STEAP1B: variants seen among roughly 807,000 people sequenced by gnomAD.
STEAP1B encodes the protein STEAP family member 1B.
In STEAP1B, 13 loss-of-function variants were observed where a neutral mutation model predicts 27.9. The ratio of observed to expected loss-of-function variants is 0.47; its 90% CI spans 0.30 to 0.74. STEAP1B has a LOEUF of 0.74. Ranked by LOEUF, STEAP1B falls within the 30% of genes least tolerant of loss-of-function variation. STEAP1B has a pLI of 0.06. For synonymous variants in STEAP1B, 86 were observed against 107.1 expected, an observed-to-expected ratio of 0.80 and a Z score of 1.22; for missense variants, 250 against 298.7, an observed-to-expected ratio of 0.84 and a Z score of 1.20.
Position 22,497,597 on chromosome 7 carries a change from T to C in STEAP1B, c.-32+2517A>G, listed in dbSNP as rs1354610294. ...TGTGACCAACATTAAAGAGGAAAAA[T>C]AGAAATGACACTCATGCCTGCTCTG... is the stretch of plus-strand genomic sequence containing the variant. On this transcript the variant is annotated intron_variant, in intron 1 of 4. Coordinates refer to ENST00000678116, the MANE Select transcript of STEAP1B (RefSeq NM_001382447.1). Among the ~76,000 whole-genome samples the C allele has an allele frequency of 3.9e-5, 6 of 152,034 alleles. No individual in the cohort carries two copies. The East Asian group carries it at 7.7e-4, about 20-fold the overall frequency.
At chr7:22,450,411 G>A (rs1306746952) in intron 4 of STEAP1B, among the ~76,000 whole-genome samples, 1 of 152,114 alleles carries the variant, frequency 6.6e-6, no homozygotes, top group Non-Finnish European at 1.5e-5. Context: ...AGTTTTCTTA[G>A]CACCATTTAT....
At chr7:22,425,241 C>CTG (rs1785091208) in intron 4 of STEAP1B, among the ~76,000 whole-genome samples, 1 of 152,170 alleles carries the variant, frequency 6.6e-6, no homozygotes, top group Admixed American at 6.5e-5. Context: ...GAACAGAATG[C>CTG]TGTACTCTGT....
intron 4 of STEAP1B, among the ~76,000 whole-genome samples, chr7:22,465,350 G>C (rs1163907219): frequency 6.6e-6 from 1 of 152,120 alleles, no homozygotes; most frequent in East Asian, 1.9e-4. Flanking sequence ...CCTCAGATAA[G>C]GGTGGACTAA....
At position 22,486,747 on chromosome 7, in the gene STEAP1B, C is replaced by T. The variant is rs116211111; in HGVS notation, c.762+5818G>A. ...AACCACATGTCAACTGCCCTCACTCCCTCTCAGGCAAGTCCTTCAGGGGCT... is the reference window on the plus strand; with the variant it reads ...AACCACATGTCAACTGCCCTCACTCTCTCTCAGGCAAGTCCTTCAGGGGCT... On this transcript the variant is annotated intron_variant, in intron 4 of 4. Coordinates refer to ENST00000678116, the MANE Select transcript of STEAP1B (RefSeq NM_001382447.1). Among the ~76,000 whole-genome samples, 1,479 of 152,208 alleles carry T rather than the reference C, an allele frequency of 9.7e-3. 16 individuals are homozygous for T. The highest frequency in any genetic ancestry group is 0.034 in the African/African-American group (1,418 of 41,532).
chr7:22,443,141 G>A (rs1468508203), intron 4 of STEAP1B, among the ~76,000 whole-genome samples: 1 of 152,116 alleles, frequency 6.6e-6, no homozygotes, highest in East Asian at 1.9e-4. Flanking sequence ...ATCTTTCGCA[G>A]GTGTTTACCA....
intron 4 of STEAP1B, among the ~76,000 whole-genome samples, chr7:22,455,594 T>A (rs1009744569): frequency 2.2e-4 from 34 of 152,230 alleles, no homozygotes; most frequent in African/African-American, 7.7e-4. Context: ...TATTGTAGTT[T>A]TATATATTCT....
At chr7:22,441,064 T>C (rs185478805) in intron 4 of STEAP1B, among the ~76,000 whole-genome samples, 1 of 151,610 alleles carries the variant, frequency 6.6e-6, no homozygotes, top group African/African-American at 2.4e-5. Context: ...AAATAGAAAA[T>C]GTTATTTTCT....
At chr7:22,449,445 T>C (rs1785453478) in intron 4 of STEAP1B, among the ~76,000 whole-genome samples, 1 of 152,224 alleles carries the variant, frequency 6.6e-6, no homozygotes, top group Admixed American at 6.5e-5. Context: ...TGATCTCCAG[T>C]TACATTCATG....
intron 4 of STEAP1B, among the ~76,000 whole-genome samples, chr7:22,428,731 A>AG (rs1785141142): frequency 1.3e-5 from 2 of 152,086 alleles, no homozygotes; most frequent in Admixed American, 6.6e-5. Context: ...TAAACTCGGG[A>AG]GGGGGAGGTT....
chr7:22,499,514 T>C (rs1307680911), intron 1 of STEAP1B, among the ~76,000 whole-genome samples: 2 of 152,186 alleles, frequency 1.3e-5, no homozygotes, highest in Non-Finnish European at 2.9e-5. Flanking sequence ...AGTAACAAAG[T>C]AAGAAATTTG....
At chr7:22,454,662 G>A (rs1785542654) in intron 4 of STEAP1B, among the ~76,000 whole-genome samples, 1 of 151,714 alleles carries the variant, frequency 6.6e-6, no homozygotes, top group South Asian at 2.1e-4. Context: ...TAGGAGCTGT[G>A]CACGGCCGAG....
chr7:22,458,656 C>G (rs1785628547), intron 4 of STEAP1B, among the ~76,000 whole-genome samples: 1 of 152,116 alleles, frequency 6.6e-6, no homozygotes, highest in Admixed American at 6.5e-5. Flanking sequence ...CAAGGGTACA[C>G]CCTAAACCAG....
chr7:22,441,824 T>G (rs1362664799), intron 4 of STEAP1B, among the ~76,000 whole-genome samples: 1 of 152,270 alleles, frequency 6.6e-6, no homozygotes, highest in African/African-American at 2.4e-5. Context: ...TACTGCGGCT[T>G]CACCACCTGT....
intron 4 of STEAP1B, among the ~76,000 whole-genome samples, chr7:22,468,009 C>T (rs751043742): frequency 1.2e-4 from 18 of 152,008 alleles, no homozygotes; most frequent in Non-Finnish European, 2.4e-4. Flanking sequence ...TAAAATATTT[C>T]GTATGAAGAT....
chr7:22,451,276 A>G (rs1214803178), intron 4 of STEAP1B, among the ~76,000 whole-genome samples: 1 of 145,492 alleles, frequency 6.9e-6, no homozygotes, highest in African/African-American at 2.6e-5. Flanking sequence ...CTACAGCTTT[A>G]CTGAATTTAT....
intron 4 of STEAP1B, among the ~76,000 whole-genome samples, chr7:22,482,163 C>T (rs1171598974): frequency 1.3e-5 from 2 of 152,094 alleles, no homozygotes; most frequent in African/African-American, 2.4e-5. Context: ...CTGAGTGGCT[C>T]GAACTGTCTT....
At chr7:22,466,520 A>G (rs1338981976) in intron 4 of STEAP1B, among the ~76,000 whole-genome samples, 1 of 152,136 alleles carries the variant, frequency 6.6e-6, no homozygotes, top group African/African-American at 2.4e-5. Context: ...TTCTTCTATT[A>G]TGGACCCCAA....
At chr7:22,456,972 A>ATATATATATATATATATATTTTTTTTTTT in intron 4 of STEAP1B, among the ~76,000 whole-genome samples, 1 of 57,082 alleles carries the variant, frequency 1.8e-5, no homozygotes, top group East Asian at 1.3e-3. Context: ...ATATATATAT[A>ATATATATATATATATATATTTTTTTTTTT]TTTTTTTTTT....
intron 4 of STEAP1B, among the ~76,000 whole-genome samples, chr7:22,487,330 A>T (rs1786227612): frequency 6.6e-6 from 1 of 152,144 alleles, no homozygotes; most frequent in Non-Finnish European, 1.5e-5. Flanking sequence ...TGAGGACATG[A>T]TCTCTGCTCT....
Sources: gnomAD v4.1 joint callset for allele counts (sites outside exome capture counted in the v4.1 genomes callset) on GRCh38, gnomAD v4.1.1 for gene constraint, MANE v1.5 for transcripts, NCBI Gene and HGNC (gene_info 2026-07-23, HGNC 2026-07-21) for gene names.